CDCA2: variants seen among roughly 807,000 people sequenced by gnomAD.
The protein encoded by CDCA2 is cell division cycle-associated protein 2.
In CDCA2, 44 loss-of-function variants were observed where a neutral mutation model predicts 67.0. The observed-to-expected ratio is 0.66, with a 90% confidence interval of 0.52 to 0.84. The LOEUF (loss-of-function observed/expected upper bound fraction) is 0.84, where lower values mean the gene tolerates loss of function less well. Ranked by LOEUF, CDCA2 falls within the 40% of genes least tolerant of loss-of-function variation. The probability of loss-of-function intolerance (pLI) is 0.00; values close to 1 mark genes in which losing one functional copy is unlikely to be tolerated. For synonymous variants in CDCA2, 447 were observed against 418.7 expected, an observed-to-expected ratio of 1.07 and a Z score of -0.82; for missense variants, 1,253 against 1,203.2, an observed-to-expected ratio of 1.04 and a Z score of -0.61.
Position 25,507,612 on chromosome 8 carries a change from A to G in CDCA2, c.2946A>G (p.Thr982=), listed in dbSNP as rs141201724. The G allele has an allele frequency of 1.2e-5, 19 of 1,614,076 alleles. No homozygotes were observed. The highest frequency in any genetic ancestry group is 1.4e-5 in the Non-Finnish European group (16 of 1,180,030). ...GGAGGAAGAGCTTTTGTATATCTAC[A>G]CTTGCAAATACTAAAGCCACTTCCC... ...GKRRKSFCIS[T]LANTKATSQF... The change falls in exon 15 of 15, where the codon ACA becomes ACG. Residue 982 remains threonine, a synonymous_variant. Transcript: ENST00000330560.
intron 3 of CDCA2, among the ~76,000 whole-genome samples, chr8:25,461,760 G>C (rs930167141): frequency 5.3e-5 from 8 of 152,154 alleles, no homozygotes; most frequent in African/African-American, 1.9e-4. Flanking sequence ...TCTGTGTGTA[G>C]GAAATAAGAA....
At position 25,484,201 on chromosome 8, in the gene CDCA2, G is replaced by A; in HGVS notation, c.1356G>A (p.Gly452=). 1.2e-6 allele frequency: 2 copies of A among 1,613,822 alleles called. No individual in the cohort carries two copies. Among genetic ancestry groups the A allele is most frequent in the Admixed American group, 1.7e-5 (1 of 60,006 alleles). ...PLPQPDFDDK[G]ENLENIEPLQ... ...CTCAACCAGATTTTGATGACAAGGG[G>A]GAGAATCTTGTAAGTATGAAAAGCG... The change falls in exon 10 of 15, where the codon GGG becomes GGA. Residue 452 remains glycine, a synonymous_variant. Coordinates refer to ENST00000330560, the MANE Select transcript of CDCA2 (RefSeq NM_152562.4).
chr8:25,494,167 A>G (rs1467180531), intron 13 of CDCA2, among the ~76,000 whole-genome samples: 2 of 152,152 alleles, frequency 1.3e-5, no homozygotes, highest in South Asian at 2.1e-4. Flanking sequence ...GGTTGAATCA[A>G]AAACACTCAG....
At position 25,507,858 on chromosome 8, in the gene CDCA2, C is replaced by A; in HGVS notation, c.*120C>A. 3 of 1,029,512 alleles carry A rather than the reference C, an allele frequency of 2.9e-6. No individual in the cohort carries two copies. Among genetic ancestry groups the A allele is most frequent in the South Asian group, 2.5e-5 (1 of 39,772 alleles). The allele number at this position is 1,029,512 out of a possible 1,614,324, so 63.8% of individuals were successfully genotyped here. ...TTCAAAAGTTCCTAATAAATAAACT[C>A]ATTTGAGTTGAACCTACTTTTATGT... On this transcript the variant is annotated 3_prime_UTR_variant, in exon 15 of 15. Coordinates refer to ENST00000330560, the MANE Select transcript of CDCA2 (RefSeq NM_152562.4).
intron 4 of CDCA2, 131 bp downstream of exon 4, chr8:25,462,339 G>A (rs1802727222): frequency 1.6e-5 from 17 of 1,052,152 alleles, no homozygotes; most frequent in Non-Finnish European, 2.3e-5. Flanking sequence ...AGAACATGCA[G>A]TTAGCGGCCG....
At chr8:25,486,258 AT>A (rs1377705221) in intron 11 of CDCA2, among the ~76,000 whole-genome samples, 2 of 152,202 alleles carry the variant, frequency 1.3e-5, no homozygotes, top group Non-Finnish European at 2.9e-5. Context: ...ATTTTTTATG[AT>A]TATGACAAAG....
intron 7 of CDCA2, among the ~76,000 whole-genome samples, chr8:25,471,861 A>G (rs1358225287): frequency 6.6e-6 from 1 of 152,244 alleles, no homozygotes; most frequent in Non-Finnish European, 1.5e-5. Context: ...ACTCAGAAAC[A>G]GTGTAATTAA....
chr8:25,489,296 C>T (rs1174152768), intron 13 of CDCA2, among the ~76,000 whole-genome samples: 1 of 152,180 alleles, frequency 6.6e-6, no homozygotes, highest in African/African-American at 2.4e-5. Context: ...TAGCAGTGCT[C>T]ATTCTCTGAC....
chr8:25,483,946 CA>C lies in CDCA2; in HGVS notation c.1121-19del. On this transcript the variant is annotated intron_variant, in intron 9 of 14. Coordinates refer to ENST00000330560, the MANE Select transcript of CDCA2 (RefSeq NM_152562.4). ...TATAGCTTAATTTTTAAGTTACTCT[CA>C]TTTATTGTCTAATTATAGAAGATGA... 1 of 1,597,364 alleles carries C rather than the reference CA, an allele frequency of 6.3e-7. No individual in the cohort carries two copies. The highest frequency in any genetic ancestry group is 8.6e-7 in the Non-Finnish European group (1 of 1,167,116).
intron 8 of CDCA2, among the ~76,000 whole-genome samples, chr8:25,481,223 C>A (rs1225281438): frequency 3.9e-5 from 4 of 102,670 alleles, no homozygotes; most frequent in Admixed American, 2.6e-4. Flanking sequence ...AGTTTGAGAC[C>A]AGTCTGGGAC....
chr8:25,466,133 G>A (rs1802890719), intron 4 of CDCA2, 42 bp from the exon 5 acceptor site: 2 of 1,549,978 alleles, frequency 1.3e-6, no homozygotes, highest in South Asian at 1.2e-5. Flanking sequence ...TAGAAAGTAT[G>A]AATTGATTAT....
At chr8:25,467,143 T>G (rs918684764) in intron 5 of CDCA2, among the ~76,000 whole-genome samples, 37 of 151,522 alleles carry the variant, frequency 2.4e-4, no homozygotes, top group African/African-American at 7.5e-4. Flanking sequence ...TTCATTTGGT[T>G]GTTTTTTCAG....
At chr8:25,472,964 T>C (rs556050720) in intron 7 of CDCA2, among the ~76,000 whole-genome samples, 113 of 152,340 alleles carry the variant, frequency 7.4e-4, no homozygotes, top group African/African-American at 2.4e-3. Context: ...ATTCCACTTA[T>C]CTATCTGAAA....
In CDCA2 at chr8:25,467,840, C is replaced by T. The variant is rs535960805; in HGVS notation, c.539-377C>T. On this transcript the variant is annotated intron_variant, in intron 5 of 14. Transcript: ENST00000330560. ...TACTAAAATTACGATGCACAATAGC[C>T]GGGCGTGGTGGCTCATGCCTGTAAT... is the stretch of plus-strand genomic sequence containing the variant. 4.6e-4 allele frequency among the ~76,000 whole-genome samples: 70 copies of T among 151,970 alleles called. No homozygotes were observed. The Middle Eastern group carries it at 0.01, about 22-fold the overall frequency.
intron 4 of CDCA2, among the ~76,000 whole-genome samples, chr8:25,464,625 T>G (rs1802827824): frequency 6.6e-6 from 1 of 152,176 alleles, no homozygotes; most frequent in Non-Finnish European, 1.5e-5. Flanking sequence ...CTAGAGAAAC[T>G]TAAAATTTTT....
At position 25,507,866 on chromosome 8, in the gene CDCA2, T is replaced by C. The variant is rs1487855038; in HGVS notation, c.*128T>C. 1.2e-6 allele frequency: 1 copy of C among 843,540 alleles called. No homozygotes were observed. The highest frequency in any genetic ancestry group is 1.7e-5 in the African/African-American group (1 of 58,406). The allele number at this position is 843,540 out of a possible 1,614,324, so 52.3% of individuals were successfully genotyped here. On this transcript the variant is annotated 3_prime_UTR_variant, in exon 15 of 15. Transcript: ENST00000330560. ...TTCCTAATAAATAAACTCATTTGAG[T>C]TGAACCTACTTTTATGTAGAAATAA... is the stretch of plus-strand genomic sequence containing the variant.
At chr8:25,487,748 A>T (rs941222842) in intron 12 of CDCA2, among the ~76,000 whole-genome samples, 1 of 152,190 alleles carries the variant, frequency 6.6e-6, no homozygotes, top group African/African-American at 2.4e-5. Context: ...TCAAAAAAAA[A>T]ACTAATACTT....
At chr8:25,502,169 A>G (rs1804505304) in intron 13 of CDCA2, among the ~76,000 whole-genome samples, 1 of 152,152 alleles carries the variant, frequency 6.6e-6, no homozygotes, top group Admixed American at 6.5e-5. Flanking sequence ...TGCTGGGATT[A>G]CAGGCGTAAG....
At chr8:25,502,168 T>C (rs1804505205) in intron 13 of CDCA2, among the ~76,000 whole-genome samples, 1 of 152,198 alleles carries the variant, frequency 6.6e-6, no homozygotes, top group Non-Finnish European at 1.5e-5. Flanking sequence ...GTGCTGGGAT[T>C]ACAGGCGTAA....
Sources: allele counts gnomAD v4.1 joint callset (sites outside exome capture counted in the v4.1 genomes callset), GRCh38; gene constraint gnomAD v4.1.1; transcripts MANE v1.5; gene names NCBI Gene and HGNC (gene_info 2026-07-23, HGNC 2026-07-21).